The following PALLD variants were observed in gnomAD, a reference collection of about 807,000 sequenced individuals.
PALLD encodes palladin.
PALLD carries 61 observed loss-of-function variants against 123.5 expected under a neutral mutation model. The ratio of observed to expected loss-of-function variants is 0.49; its 90% CI spans 0.40 to 0.61. The LOEUF (loss-of-function observed/expected upper bound fraction) is 0.61. PALLD is among the 20% of genes least tolerant of loss of function. The pLI, the probability that PALLD is intolerant of heterozygous loss-of-function variation, is 0.00. For missense variants in PALLD, 1,273 were observed against 1,377.0 expected (o/e 0.92, Z 1.20); for synonymous variants, 465 against 496.4 (o/e 0.94, Z 0.84).
chr4:168,706,864 A>C (rs1470624189), intron 8 of PALLD, among the ~76,000 whole-genome samples: 1 of 152,212 alleles, frequency 6.6e-6, no homozygotes, highest in Non-Finnish European at 1.5e-5. Context: ...TTCTAGAATC[A>C]AATACAACAA....
chr4:168,730,995 G>C (rs181701302), intron 10 of PALLD, among the ~76,000 whole-genome samples: 1 of 152,056 alleles, frequency 6.6e-6, no homozygotes, highest in South Asian at 2.1e-4. Flanking sequence ...CAAGAAATGG[G>C]GGAAGGGATT....
At chr4:168,533,579 C>T (rs376422950) in intron 2 of PALLD, among the ~76,000 whole-genome samples, 1 of 152,138 alleles carries the variant, frequency 6.6e-6, no homozygotes, top group Non-Finnish European at 1.5e-5. Flanking sequence ...GAAGTCCATA[C>T]GATGTTTACG....
chr4:168,596,843 TTC>T (rs1772035668), intron 2 of PALLD, among the ~76,000 whole-genome samples: 1 of 152,138 alleles, frequency 6.6e-6, no homozygotes, highest in South Asian at 2.1e-4. Flanking sequence ...GTTTTTATGT[TTC>T]TTAAACTGTG....
intron 2 of PALLD, chr4:168,632,023 C>A: frequency 2.0e-6 from 1 of 500,528 alleles, no homozygotes; most frequent in South Asian, 8.5e-5. Context: ...GTAGTGGACT[C>A]AGAATACCGT....
intron 10 of PALLD, among the ~76,000 whole-genome samples, chr4:168,883,757 A>C (rs1431477425): frequency 6.6e-6 from 1 of 152,200 alleles, no homozygotes; most frequent in Non-Finnish European, 1.5e-5. Flanking sequence ...AGCCAGAGTA[A>C]ACAGATCAGT....
intron 10 of PALLD, among the ~76,000 whole-genome samples, chr4:168,803,737 A>G (rs66893597): frequency 0.17 from 25,305 of 151,802 alleles, 2,241 homozygotes; most frequent in East Asian, 0.22. Context: ...AAAAATTTTC[A>G]TTTTGGCTCT....
chr4:168,670,189 T>G (rs1780049535), intron 3 of PALLD, among the ~76,000 whole-genome samples: 1 of 152,242 alleles, frequency 6.6e-6, no homozygotes, highest in Admixed American at 6.5e-5. Context: ...TAGAGCACTT[T>G]TAAATGAAAT....
chr4:168,667,961 T>C (rs2150011777), intron 2 of PALLD, among the ~76,000 whole-genome samples: 1 of 152,304 alleles, frequency 6.6e-6, no homozygotes, highest in Admixed American at 6.5e-5. Context: ...ATCACTTGGG[T>C]TGATAAAATG....
At chr4:168,508,715 G>T (rs988921845) in intron 1 of PALLD, among the ~76,000 whole-genome samples, 3 of 152,006 alleles carry the variant, frequency 2.0e-5, no homozygotes, top group African/African-American at 7.3e-5. Flanking sequence ...AATTTTACAA[G>T]AAATGCAATA....
intron 10 of PALLD, among the ~76,000 whole-genome samples, chr4:168,835,488 G>C (rs926828868): frequency 1.3e-5 from 2 of 152,120 alleles, no homozygotes; most frequent in African/African-American, 4.8e-5. Flanking sequence ...GAGAAGGTGA[G>C]GATTTGTTCC....
At chr4:168,630,284 T>G (rs998427252) in intron 2 of PALLD, among the ~76,000 whole-genome samples, 1 of 152,126 alleles carries the variant, frequency 6.6e-6, no homozygotes, top group Admixed American at 6.5e-5. Flanking sequence ...TAATAAAACT[T>G]TACAACTGAA....
At chr4:168,879,107 A>G (rs908309949) in intron 10 of PALLD, among the ~76,000 whole-genome samples, 1 of 152,204 alleles carries the variant, frequency 6.6e-6, no homozygotes, top group Admixed American at 6.5e-5. Flanking sequence ...TTATGATGCC[A>G]GTTTTGTCCC....
At chr4:168,811,903 C>A (rs1410187197) in intron 10 of PALLD, among the ~76,000 whole-genome samples, 1 of 151,908 alleles carries the variant, frequency 6.6e-6, no homozygotes, top group Admixed American at 6.6e-5. Flanking sequence ...AGTATAAAAA[C>A]CATATCAAAA....
At chr4:168,523,816 A>C (rs1484730779) in intron 2 of PALLD, among the ~76,000 whole-genome samples, 1 of 152,214 alleles carries the variant, frequency 6.6e-6, no homozygotes, top group East Asian at 1.9e-4. Context: ...GTTTATGCTA[A>C]AATTGCCATT....
At chr4:168,673,417 C>A (rs1182255694) in intron 3 of PALLD, among the ~76,000 whole-genome samples, 1 of 152,054 alleles carries the variant, frequency 6.6e-6, no homozygotes, top group Non-Finnish European at 1.5e-5. Flanking sequence ...GTGAGGACAG[C>A]CAGATGTGCC....
chr4:168,819,510 G>A (rs1478636933), intron 10 of PALLD, among the ~76,000 whole-genome samples: 1 of 152,154 alleles, frequency 6.6e-6, no homozygotes, highest in Non-Finnish European at 1.5e-5. Flanking sequence ...GCCCTGAATG[G>A]CAATTGGGAG....
chr4:168,922,114 C>T lies in PALLD; in HGVS notation c.3058+373C>T, dbSNP rs1394915436. Among the ~76,000 whole-genome samples, 79 of 40,294 alleles carry T rather than the reference C, an allele frequency of 2.0e-3. No individual in the cohort carries two copies. The Admixed American group carries it at 0.021, about 11-fold the overall frequency. The allele number at this position is 40,294 out of a possible 152,430, so 26.4% of individuals were successfully genotyped here. On this transcript the variant is annotated intron_variant, in intron 18 of 21. Coordinates refer to ENST00000505667, the MANE Select transcript of PALLD (RefSeq NM_001166108.2). ...ATATATATATATATACACACACACA[C>T]ACACACACACACACACACACACACA...
chr4:168,736,595 A>G (rs539515277), intron 10 of PALLD, among the ~76,000 whole-genome samples: 11 of 152,312 alleles, frequency 7.2e-5, no homozygotes, highest in Middle Eastern at 3.4e-3. Flanking sequence ...GATCCAGCAA[A>G]GGCGAATGGA....
At chr4:168,708,829 G>A (rs1388348775) in intron 8 of PALLD, among the ~76,000 whole-genome samples, 199 bp from the exon 9 acceptor site, 1 of 151,260 alleles carries the variant, frequency 6.6e-6, no homozygotes, top group African/African-American at 2.4e-5. Flanking sequence ...ACAAAGAATG[G>A]GTCTACCTCC....
Sources: allele counts gnomAD v4.1 joint callset (sites outside exome capture counted in the v4.1 genomes callset), GRCh38; gene constraint gnomAD v4.1.1; transcripts MANE v1.5; gene names NCBI Gene and HGNC (gene_info 2026-07-23, HGNC 2026-07-21).